Variants in STAP1 observed in about 807,000 individuals in gnomAD.
STAP1 encodes signal-transducing adaptor protein 1.
In STAP1, 30 loss-of-function variants were observed where a neutral mutation model predicts 37.8. That is an observed-to-expected ratio of 0.79 (90% CI 0.59 to 1.08). The LOEUF is 1.08. Among genes scored for constraint, STAP1 ranks in the 50% least tolerant of loss-of-function variants. The probability of loss-of-function intolerance (pLI) is 0.00; values close to 1 mark genes in which losing one functional copy is unlikely to be tolerated. For synonymous variants in STAP1, 130 were observed against 116.0 expected (o/e 1.12, Z -0.78); for missense variants, 357 against 349.4 (o/e 1.02, Z -0.17).
At chr4:67,592,419 A>G (rs746765288) in intron 7 of STAP1, among the ~76,000 whole-genome samples, 48 of 152,214 alleles carry the variant, frequency 3.2e-4, no homozygotes, top group Non-Finnish European at 1.0e-4. Flanking sequence ...ATCCTGTTAC[A>G]ATAAAATACT....
chr4:67,586,198 C>T (rs964860031), intron 6 of STAP1, among the ~76,000 whole-genome samples: 1 of 152,186 alleles, frequency 6.6e-6, no homozygotes, highest in African/African-American at 2.4e-5. Flanking sequence ...GTGGCTCACA[C>T]CTGTAATCCC....
intron 5 of STAP1, 142 bp downstream of exon 5, chr4:67,581,613 C>A: frequency 1.2e-6 from 1 of 862,080 alleles, no homozygotes; most frequent in Non-Finnish European, 1.7e-6. Flanking sequence ...TGCGTACATG[C>A]CATATTTCCT....
intron 4 of STAP1, among the ~76,000 whole-genome samples, chr4:67,577,635 T>TTTTCTTTC (rs199657244): frequency 5.8e-5 from 8 of 137,292 alleles, no homozygotes; most frequent in Non-Finnish European, 4.6e-5. Flanking sequence ...ATTTCTTTTC[T>TTTTCTTTC]TTTCTTTCTT....
intron 6 of STAP1, among the ~76,000 whole-genome samples, chr4:67,589,946 T>A (rs1441956753): frequency 6.6e-6 from 1 of 151,936 alleles, no homozygotes; most frequent in Non-Finnish European, 1.5e-5. Context: ...GGACCACATA[T>A]GCATGCCACC....
chr4:67,565,539 A>C (rs1727446219), intron 1 of STAP1, among the ~76,000 whole-genome samples: 7 of 152,214 alleles, frequency 4.6e-5, no homozygotes, highest in Admixed American at 4.6e-4. Context: ...TCTTGCCAAT[A>C]ATGTGAGTGT....
intron 6 of STAP1, among the ~76,000 whole-genome samples, chr4:67,587,798 A>G (rs565902534): frequency 1.6e-3 from 234 of 147,746 alleles, no homozygotes; most frequent in African/African-American, 5.6e-3. Flanking sequence ...TCAGCTCACC[A>G]CAACTTCCAC....
chr4:67,606,297 TCA>T lies in STAP1; in HGVS notation c.829_830del (p.Gln277ArgfsTer9), dbSNP rs1157460910. Reference protein sequence around the residue: ...FICSTDENTGQEPSMEGRSEK... With the variant: ...FICSTDENTGXEPSMEGRSEK... Reference sequence around the variant, plus strand: ...AGTTTTTCTACCCACAATTTCTAGGTCAAGAACCCAGTATGGAAGGGAGAAGT... The same window carrying T: ...AGTTTTTCTACCCACAATTTCTAGGTAGAACCCAGTATGGAAGGGAGAAGT... On this transcript the variant is annotated frameshift_variant and splice_region_variant, in exon 9 of 9. Transcript: ENST00000265404. LOFTEE classifies it high-confidence loss of function. 3.7e-6 allele frequency: 6 copies of T among 1,610,104 alleles called. No homozygotes were observed. Among genetic ancestry groups the T allele is most frequent in the Non-Finnish European group, 5.1e-6 (6 of 1,178,810 alleles).
intron 2 of STAP1, among the ~76,000 whole-genome samples, chr4:67,574,122 A>AATATT (rs1727668021): frequency 2.6e-5 from 4 of 152,264 alleles, no homozygotes; most frequent in Middle Eastern, 3.4e-3. Context: ...ATATATATAT[A>AATATT]CATAAACTTG....
chr4:67,587,995 A>ATTACAGG (rs1728025171), intron 6 of STAP1, among the ~76,000 whole-genome samples: 1 of 131,968 alleles, frequency 7.6e-6, no homozygotes, highest in Non-Finnish European at 1.6e-5. Context: ...AAGTGCTGGG[A>ATTACAGG]TTACAGGTGT....
chr4:67,567,573 A>G (rs1214147441), intron 1 of STAP1, among the ~76,000 whole-genome samples: 2 of 152,218 alleles, frequency 1.3e-5, no homozygotes, highest in Admixed American at 6.5e-5. Flanking sequence ...TTATGTTTCA[A>G]AATTGAACTT....
Position 67,568,758 on chromosome 4 carries a change from T to C in STAP1, c.121-2326T>C, listed in dbSNP as rs1356856973. Among the ~76,000 whole-genome samples the C allele has an allele frequency of 2.0e-5, 3 of 152,230 alleles. 1 individual carries two copies. The highest frequency in any genetic ancestry group is 4.4e-5 in the Non-Finnish European group (3 of 68,038). Reference sequence around the variant, plus strand: ...TATACTATTTACTGAACCCCAGCTATGAGCCATGTACTCTGCTAAGTGCTT... The same window carrying C: ...TATACTATTTACTGAACCCCAGCTACGAGCCATGTACTCTGCTAAGTGCTT... On this transcript the variant is annotated intron_variant, in intron 1 of 8. Transcript: ENST00000265404.
intron 1 of STAP1, among the ~76,000 whole-genome samples, chr4:67,566,758 TC>T (rs1311099141): frequency 5.3e-5 from 8 of 152,174 alleles, no homozygotes; most frequent in African/African-American, 1.9e-4. Context: ...TCACTTGATG[TC>T]AGGTGTTAGA....
chr4:67,606,423 T>G lies in STAP1; in HGVS notation c.*66T>G, dbSNP rs1244547525. On this transcript the variant is annotated 3_prime_UTR_variant, in exon 9 of 9. Transcript: ENST00000265404. The stretch of plus-strand genomic sequence containing the variant: ...TATTTTCAAAACGAAGTTCTTACTT[T>G]TAAAGAGAATTACCTATATTCTCCT... 14 of 1,376,700 alleles carry G rather than the reference T, an allele frequency of 1.0e-5. No homozygotes were observed. Among genetic ancestry groups the G allele is most frequent in the Non-Finnish European group, 1.2e-5 (12 of 998,562 alleles). The allele number at this position is 1,376,700 out of a possible 1,614,324, so 85.3% of individuals were successfully genotyped here.
intron 1 of STAP1, among the ~76,000 whole-genome samples, chr4:67,564,031 A>C (rs960889989): frequency 1.3e-5 from 2 of 151,986 alleles, no homozygotes; most frequent in Non-Finnish European, 2.9e-5. Flanking sequence ...CTAGATATGA[A>C]TAGGTACCTA....
chr4:67,582,045 C>A (rs1469757809), intron 5 of STAP1, among the ~76,000 whole-genome samples: 1 of 151,998 alleles, frequency 6.6e-6, no homozygotes, highest in Non-Finnish European at 1.5e-5. Context: ...GTGGTGTTGT[C>A]AATAAAACTT....
chr4:67,601,648 C>T (rs953864862), intron 8 of STAP1, among the ~76,000 whole-genome samples: 6 of 152,144 alleles, frequency 3.9e-5, no homozygotes, highest in Non-Finnish European at 8.8e-5. Flanking sequence ...AAGTATTTTG[C>T]CGTCTGCACA....
chr4:67,559,959 T>C (rs1168316401), intron 1 of STAP1, among the ~76,000 whole-genome samples: 1 of 152,170 alleles, frequency 6.6e-6, no homozygotes, highest in African/African-American at 2.4e-5. Context: ...CATAAATAAT[T>C]ACCTTTCAGT....
At position 67,599,160 on chromosome 4, in the gene STAP1, T is replaced by C. The variant is rs928701782; in HGVS notation, c.826+5804T>C. 2.6e-5 allele frequency among the ~76,000 whole-genome samples: 4 copies of C among 152,220 alleles called. No homozygotes were observed. In the South Asian group the frequency reaches 6.2e-4, roughly 24 times the overall value. ...TTTACATCAATGTTCATCAGAGATA[T>C]TGGCTTGTAGTTTTTAAAAATGTGT... On this transcript the variant is annotated intron_variant, in intron 8 of 8. Transcript: ENST00000265404.
rs1473546028 is a variant in STAP1, at chr4:67,575,477, G to A, written c.285G>A (p.Pro95=). ...GTGCGAAATTCACCCTTGTTTTGCC[G>A]AAAGAGGAAGTACAACTGAAGGTGA... The part of the protein sequence containing the change: ...KNCAKFTLVL[P]KEEVQLKTEN... Residue 95 remains proline, a synonymous_variant, in exon 3 of 9, where the codon CCG becomes CCA. Transcript: ENST00000265404. 6 of 1,610,422 alleles carry A rather than the reference G, an allele frequency of 3.7e-6. No individual in the cohort carries two copies. The highest frequency in any genetic ancestry group is 4.2e-6 in the Non-Finnish European group (5 of 1,178,584).
Sources: allele counts gnomAD v4.1 joint callset (sites outside exome capture counted in the v4.1 genomes callset), GRCh38; gene constraint gnomAD v4.1.1; transcripts MANE v1.5; gene names NCBI Gene and HGNC (gene_info 2026-07-23, HGNC 2026-07-21).